RNF216: variants seen among roughly 807,000 people sequenced by gnomAD.
RNF216 encodes E3 ubiquitin-protein ligase RNF216.
In RNF216, 72 loss-of-function variants were observed where a neutral mutation model predicts 110.8. The observed-to-expected ratio is 0.65, with a 90% CI of 0.54 to 0.79. RNF216 has a LOEUF of 0.79. Ranked by LOEUF, RNF216 falls within the 30% of genes least tolerant of loss-of-function variation. RNF216 has a pLI of 0.00. For synonymous variants in RNF216, 495 were observed against 407.5 expected (o/e 1.21, Z -2.59); for missense variants, 1,342 against 1,141.2 (o/e 1.18, Z -2.54).
Position 5,725,392 on chromosome 7 carries a change from G to A in RNF216, c.1436C>T (p.Thr479Ile), listed in dbSNP as rs762125060. 3 of 1,613,830 alleles carry A rather than the reference G, an allele frequency of 1.9e-6. No individual in the cohort carries two copies. The East Asian group carries it at 6.7e-5, about 36-fold the overall frequency. ...IKKWQELSPE[T>I]SGKRKKRKQM... ...TTTTCTCTTCTTCCTTTTTCCACTG[G>A]TTTCTGGTGACAGCTCCTGCCATTT... Residue 479 changes from threonine (T) to isoleucine (I), a missense_variant, in exon 8 of 17, where the codon ACC becomes ATC. Coordinates refer to ENST00000389902, the MANE Select transcript of RNF216 (RefSeq NM_207111.4).
intron 14 of RNF216, among the ~76,000 whole-genome samples, chr7:5,643,743 T>G (rs146419583): frequency 0.019 from 2,882 of 152,338 alleles, 43 homozygotes; most frequent in Non-Finnish European, 0.029. Flanking sequence ...ATTTTGAGTA[T>G]TCACGATGTT....
intron 14 of RNF216, among the ~76,000 whole-genome samples, chr7:5,647,329 T>C (rs1262851692): frequency 4.7e-5 from 1 of 21,186 alleles, no homozygotes; most frequent in African/African-American, 4.5e-4. Flanking sequence ...TCTTTCTTTC[T>C]TTTTTTTTTT....
chr7:5,695,650 A>T (rs767323601), intron 13 of RNF216, among the ~76,000 whole-genome samples: 13 of 152,194 alleles, frequency 8.5e-5, no homozygotes, highest in Non-Finnish European at 1.9e-4. Context: ...GACAGAATGG[A>T]AAGTTGTCAT....
chr7:5,744,755 C>G (rs926039522), intron 3 of RNF216, among the ~76,000 whole-genome samples: 2 of 152,058 alleles, frequency 1.3e-5, no homozygotes, highest in African/African-American at 2.4e-5. Context: ...GATGGATCAC[C>G]TGAGGTCAGA....
At chr7:5,712,660 T>G in intron 12 of RNF216, 55 bp downstream of exon 12, 1 of 1,580,924 alleles carries the variant, frequency 6.3e-7, no homozygotes, top group Non-Finnish European at 8.7e-7. Context: ...AGTGCCCAGG[T>G]AGTTTTCACA....
At chr7:5,685,193 G>C (rs571733272) in intron 13 of RNF216, among the ~76,000 whole-genome samples, 1 of 152,178 alleles carries the variant, frequency 6.6e-6, no homozygotes, top group Admixed American at 6.5e-5. Context: ...TGTCCACCAC[G>C]GATGGGTGGG....
At chr7:5,733,465 G>A (rs943556761) in intron 5 of RNF216, among the ~76,000 whole-genome samples, 1 of 152,114 alleles carries the variant, frequency 6.6e-6, no homozygotes, top group Admixed American at 6.6e-5. Flanking sequence ...TAAACATGAT[G>A]TTCATTTGCA....
chr7:5,778,357 C>T (rs1296085092), intron 1 of RNF216, among the ~76,000 whole-genome samples: 1 of 152,200 alleles, frequency 6.6e-6, no homozygotes, highest in African/African-American at 2.4e-5. Context: ...GCTTTCTCCT[C>T]AGAGAAAAAT....
In RNF216 at chr7:5,761,550, G is replaced by A. The variant is rs1795934644; in HGVS notation, c.-69-412C>T. Among the ~76,000 whole-genome samples the A allele has an allele frequency of 3.9e-5, 6 of 152,300 alleles. No homozygotes were observed. In the South Asian group the frequency reaches 1.2e-3, roughly 32 times the overall value. ...CGCCTACAATCCCAGCACTTTGGGA[G>A]GCCGAGGCGGGCAGGTCATGAGGTT... On this transcript the variant is annotated intron_variant, in intron 1 of 16. Coordinates refer to ENST00000389902, the MANE Select transcript of RNF216 (RefSeq NM_207111.4).
chr7:5,757,855 T>TA (rs1380598917), intron 2 of RNF216, among the ~76,000 whole-genome samples: 4 of 152,082 alleles, frequency 2.6e-5, no homozygotes, highest in Non-Finnish European at 4.4e-5. Flanking sequence ...TGATGCATAA[T>TA]AAAAAATTAT....
rs1216254834 is a variant in RNF216, at chr7:5,741,008, C to A, written c.1009G>T (p.Asp337Tyr). 6.2e-7 allele frequency: 1 copy of A among 1,611,406 alleles called. No homozygotes were observed. ...ACTAGTAGTTCAACGAGCTCTTGAT[C>A]TACCTCTGCAGCTTCTTGCCCCCAA... is the stretch of plus-strand genomic sequence containing the variant. ...NIWGQEAAEVDQELVELLVKE... is the reference protein window; with the variant it reads ...NIWGQEAAEVYQELVELLVKE... The change falls in exon 4 of 17, where the codon GAT becomes TAT. Residue 337 changes from aspartate to tyrosine, a missense_variant. Coordinates refer to ENST00000389902, the MANE Select transcript of RNF216 (RefSeq NM_207111.4).
intron 4 of RNF216, among the ~76,000 whole-genome samples, 160 bp downstream of exon 4, chr7:5,740,813 G>T (rs947263772): frequency 2.6e-5 from 4 of 151,192 alleles, no homozygotes; most frequent in Non-Finnish European, 5.9e-5. Context: ...CCATTTTCAT[G>T]TCTTCAGAGT....
In RNF216 at chr7:5,687,394, C is replaced by CAAAA. The variant is rs372177142; in HGVS notation, c.2061+24363_2061+24366dup. On this transcript the variant is annotated intron_variant, in intron 13 of 16. Transcript: ENST00000389902. ...GGGCAACAAGAGTGAAACTCCACCT[C>CAAAA]AAAAAAAAAAAAAAAAAAAAGAAAA... Among the ~76,000 whole-genome samples, 374 of 49,838 alleles carry CAAAA rather than the reference C, an allele frequency of 7.5e-3. 4 individuals carry two copies. The highest frequency in any genetic ancestry group is 0.019 in the African/African-American group (300 of 16,090). 32.7% of individuals were successfully genotyped at this position (49,838 alleles called of 152,430 possible).
intron 13 of RNF216, among the ~76,000 whole-genome samples, chr7:5,685,181 A>G (rs1790899042): frequency 6.6e-6 from 1 of 152,080 alleles, no homozygotes; most frequent in South Asian, 2.1e-4. Context: ...GCCCATGTAC[A>G]ATGTCCACCA....
chr7:5,676,409 G>A lies in RNF216; in HGVS notation c.2062-23899C>T, dbSNP rs115154308. Among the ~76,000 whole-genome samples, 1,202 of 152,248 alleles carry A rather than the reference G, an allele frequency of 7.9e-3. 18 individuals are homozygous for A. Among genetic ancestry groups the A allele is most frequent in the African/African-American group, 0.028 (1,148 of 41,550 alleles). ...CAAAGCTGCCCTTAAAAGTGCTGAC[G>A]GCAGTTGCAAAAAGTATGATTCTGA... On this transcript the variant is annotated intron_variant, in intron 13 of 16. Transcript: ENST00000389902.
intron 13 of RNF216, among the ~76,000 whole-genome samples, chr7:5,661,214 A>G (rs1391126856): frequency 6.6e-6 from 1 of 152,154 alleles, no homozygotes; most frequent in Non-Finnish European, 1.5e-5. Context: ...TGCTGGGATT[A>G]CAGGCATGAG....
intron 1 of RNF216, among the ~76,000 whole-genome samples, chr7:5,765,356 T>C (rs1176157267): frequency 1.3e-5 from 2 of 151,526 alleles, no homozygotes; most frequent in African/African-American, 4.8e-5. Flanking sequence ...CCCAGCTACT[T>C]GGGAGGCTGA....
At chr7:5,768,525 T>G (rs1430511182) in intron 1 of RNF216, among the ~76,000 whole-genome samples, 2 of 152,122 alleles carry the variant, frequency 1.3e-5, no homozygotes, top group African/African-American at 2.4e-5. Context: ...TCTTTTCAAG[T>G]GTATGAGAAC....
chr7:5,753,856 G>C (rs751575509), intron 2 of RNF216, among the ~76,000 whole-genome samples: 1 of 152,128 alleles, frequency 6.6e-6, no homozygotes, highest in African/African-American at 2.4e-5. Flanking sequence ...TTAGCCATGC[G>C]TGGTGGCGCA....
Sources: allele counts gnomAD v4.1 joint callset (sites outside exome capture counted in the v4.1 genomes callset), GRCh38; gene constraint gnomAD v4.1.1; transcripts MANE v1.5; gene names NCBI Gene and HGNC (gene_info 2026-07-23, HGNC 2026-07-21).